GALNT10: variants seen among roughly 807,000 people sequenced by gnomAD.
The protein encoded by GALNT10 is GalNAc transferase 10.
A neutral mutation model predicts 75.0 loss-of-function variants in GALNT10; 41 were observed. The observed-to-expected ratio is 0.55, with a 90% CI of 0.43 to 0.71. The LOEUF (loss-of-function observed/expected upper bound fraction) is 0.71. Among genes scored for constraint, GALNT10 ranks in the 30% least tolerant of loss-of-function variants. The pLI is 0.00. For synonymous variants in GALNT10, 302 were observed against 313.0 expected, an observed-to-expected ratio of 0.96 and a Z score of 0.37; for missense variants, 727 against 818.5, an observed-to-expected ratio of 0.89 and a Z score of 1.36.
At position 154,210,405 on chromosome 5, in the gene GALNT10, CA is replaced by C. The variant is rs1331794600; in HGVS notation, c.159+19381del. ...ATGCATACACACACACACACACACA[CA>C]CACACACAGTTTTGCTTGGCTAATT... On this transcript the variant is annotated intron_variant, in intron 1 of 11. Transcript: ENST00000297107. 2.8e-4 allele frequency among the ~76,000 whole-genome samples: 43 copies of C among 152,268 alleles called. No homozygotes were observed. The East Asian group carries it at 7.7e-3, about 27-fold the overall frequency.
In GALNT10 at chr5:154,257,533, A is replaced by G. The variant is rs529813964; in HGVS notation, c.160-37283A>G. Reference sequence around the variant, plus strand: ...TTTATTGGCTTCTGTAACTGAAAAGATGGCACGTGCCTATAATCCCAGCTA... The same window carrying G: ...TTTATTGGCTTCTGTAACTGAAAAGGTGGCACGTGCCTATAATCCCAGCTA... On this transcript the variant is annotated intron_variant, in intron 1 of 11. Coordinates refer to ENST00000297107, the MANE Select transcript of GALNT10 (RefSeq NM_198321.4). Among the ~76,000 whole-genome samples, 23 of 152,192 alleles carry G rather than the reference A, an allele frequency of 1.5e-4. No individual in the cohort carries two copies. In the South Asian group the frequency reaches 4.6e-3, roughly 30 times the overall value.
chr5:154,279,777 G>A (rs986656158), intron 1 of GALNT10, among the ~76,000 whole-genome samples: 55 of 152,068 alleles, frequency 3.6e-4, no homozygotes, highest in African/African-American at 1.3e-3. Flanking sequence ...TTATAGAGAT[G>A]GGGTCTCACT....
At chr5:154,324,201 G>A (rs1754720171) in intron 3 of GALNT10, among the ~76,000 whole-genome samples, 2 of 152,226 alleles carry the variant, frequency 1.3e-5, no homozygotes, top group Admixed American at 6.5e-5. Context: ...TCAGTGCTGA[G>A]TGATAAGGCA....
Position 154,329,543 on chromosome 5 carries a change from C to G in GALNT10, c.402-29C>G, listed in dbSNP as rs7709843. 22,134 of 1,597,218 alleles carry G rather than the reference C, an allele frequency of 0.014. 1,600 individuals carry two copies. In the African/African-American group the frequency reaches 0.2, roughly 14 times the overall value. On this transcript the variant is annotated intron_variant, in intron 3 of 11. Transcript: ENST00000297107. ...TTGGCAGGAGGAGAGCTGACCCTGT[C>G]CTCTGCCTCCCCTTATGTTTCCCTC...
rs1754812969 is a variant in GALNT10, at chr5:154,329,669, A to C, written c.499A>C (p.Ser167Arg). 1 of 1,613,450 alleles carries C rather than the reference A, an allele frequency of 6.2e-7. No individual in the cohort carries two copies. Among genetic ancestry groups the C allele is most frequent in the Non-Finnish European group, 8.5e-7 (1 of 1,179,432 alleles). ...GWSSLLRTVH[S>R]VLNRSPPELV... ...GTCCTCCCTCCTCCGCACCGTCCACAGTGTGCTCAATCGCTCGCCTCCAGA... is the reference window on the plus strand; with the variant it reads ...GTCCTCCCTCCTCCGCACCGTCCACCGTGTGCTCAATCGCTCGCCTCCAGA... The change falls in exon 4 of 12, where the codon AGT (serine) becomes CGT (arginine). Residue 167 changes from serine (S) to arginine (R), a missense_variant. Transcript: ENST00000297107.
intron 10 of GALNT10, 126 bp downstream of exon 10, chr5:154,413,131 G>C: frequency 1.5e-6 from 1 of 659,842 alleles, no homozygotes; most frequent in Non-Finnish European, 2.7e-6. Flanking sequence ...CAGCCCCGGG[G>C]ATGAGTTTTA....
chr5:154,194,403 G>A (rs1042869307), intron 1 of GALNT10, among the ~76,000 whole-genome samples: 2 of 152,182 alleles, frequency 1.3e-5, no homozygotes, highest in African/African-American at 4.8e-5. Flanking sequence ...TCCACAGAAG[G>A]GCTAGTATCC....
chr5:154,390,869 A>T (rs1254209478), intron 7 of GALNT10, among the ~76,000 whole-genome samples: 1 of 152,250 alleles, frequency 6.6e-6, no homozygotes, highest in Non-Finnish European at 1.5e-5. Context: ...AGTTATTTAC[A>T]ATAGACTTGG....
At chr5:154,354,596 C>T (rs1176029532) in intron 4 of GALNT10, among the ~76,000 whole-genome samples, 1 of 152,190 alleles carries the variant, frequency 6.6e-6, no homozygotes, top group African/African-American at 2.4e-5. Flanking sequence ...CAGAAAGCCC[C>T]ATCCCATGCC....
rs867063693 is a variant in GALNT10 at position 154,420,604 on chromosome 5, T to C, written c.*3632T>C. The C allele has an allele frequency of 9.9e-5, 15 of 152,244 alleles. No homozygotes were observed. Among genetic ancestry groups the C allele is most frequent in the African/African-American group, 3.1e-4 (13 of 41,470 alleles). 9.4% of individuals were successfully genotyped at this position (152,244 alleles called of 1,614,324 possible). A position where few individuals can be genotyped will look rare whatever the true frequency, so the allele number is the denominator to read the frequency against. Reference sequence around the variant, plus strand: ...ATTCCTTATTGCTTTCAACGGACACTCTTTGTGAAAAATCCAAGTAATATT... The same window carrying C: ...ATTCCTTATTGCTTTCAACGGACACCCTTTGTGAAAAATCCAAGTAATATT... On this transcript the variant is annotated 3_prime_UTR_variant, in exon 12 of 12. Transcript: ENST00000297107.
rs111512950 is a variant in GALNT10, at chr5:154,300,867, C to T, written c.401+2788C>T. Among the ~76,000 whole-genome samples, 547 of 152,256 alleles carry T rather than the reference C, an allele frequency of 3.6e-3. 4 individuals are homozygous for T. The highest frequency in any genetic ancestry group is 5.7e-3 in the Non-Finnish European group (389 of 68,010). On this transcript the variant is annotated intron_variant, in intron 3 of 11. Transcript: ENST00000297107. ...CAGTTTAAGAGCTAGGAAGGCCTTCCGGAGGGGTGCTATCTACAGCCTCTG... is the reference window on the plus strand; with the variant it reads ...CAGTTTAAGAGCTAGGAAGGCCTTCTGGAGGGGTGCTATCTACAGCCTCTG...
intron 4 of GALNT10, chr5:154,347,155 T>G (rs1341512450): frequency 1.6e-5 from 8 of 514,246 alleles, no homozygotes; most frequent in Non-Finnish European, 3.2e-5. Flanking sequence ...CCGAGTCCTG[T>G]GAGGTTGGCA....
intron 4 of GALNT10, among the ~76,000 whole-genome samples, chr5:154,332,070 G>T (rs2113120911): frequency 6.6e-6 from 1 of 152,202 alleles, no homozygotes; most frequent in Non-Finnish European, 1.5e-5. Flanking sequence ...CCTCTCTTCT[G>T]CTTTCTGTTT....
intron 1 of GALNT10, among the ~76,000 whole-genome samples, chr5:154,246,595 T>C (rs981130072): frequency 4.2e-4 from 64 of 152,340 alleles, no homozygotes; most frequent in Non-Finnish European, 1.5e-4. Flanking sequence ...CTTTTGGCTG[T>C]ATAAATGTCT....
intron 4 of GALNT10, among the ~76,000 whole-genome samples, chr5:154,355,263 C>G (rs576979224): frequency 2.4e-4 from 37 of 152,362 alleles, no homozygotes; most frequent in Admixed American, 5.2e-4. Context: ...CTCACCCTCT[C>G]TCATCATCAC....
At chr5:154,360,651 C>T (rs762570161) in intron 4 of GALNT10, among the ~76,000 whole-genome samples, 4 of 152,238 alleles carry the variant, frequency 2.6e-5, no homozygotes, top group Non-Finnish European at 5.9e-5. Context: ...GGATATATTC[C>T]GAAGTCCCAA....
chr5:154,201,261 C>A (rs569366712), intron 1 of GALNT10, among the ~76,000 whole-genome samples: 1 of 151,968 alleles, frequency 6.6e-6, no homozygotes. Flanking sequence ...ACCAGTATCA[C>A]GGTGGAGGCA....
At position 154,416,203 on chromosome 5, in the gene GALNT10, G is replaced by C. The variant is rs572732069; in HGVS notation, c.1653+271G>C. 2.5e-3 allele frequency among the ~76,000 whole-genome samples: 383 copies of C among 152,258 alleles called. 2 individuals are homozygous for C. Among genetic ancestry groups the C allele is most frequent in the African/African-American group, 9.0e-3 (374 of 41,528 alleles). On this transcript the variant is annotated intron_variant, in intron 11 of 11. Transcript: ENST00000297107. This position sits in a 1 kb window ranked among gnomAD's most constrained non-coding sequence, Gnocchi z 4.5. ...GCCTGTAATCCCAGCACTTTGGGAG[G>C]CTGAGGTGGGTGGATCACCTGAGGT...
chr5:154,218,616 C>T (rs967509916), intron 1 of GALNT10, among the ~76,000 whole-genome samples: 3 of 152,140 alleles, frequency 2.0e-5, no homozygotes, highest in Non-Finnish European at 4.4e-5. Flanking sequence ...TGGTGTTTCT[C>T]TTCTGAGCCA....
Sources: allele counts gnomAD v4.1 joint callset (sites outside exome capture counted in the v4.1 genomes callset), GRCh38; gene constraint gnomAD v4.1.1; non-coding constraint Gnocchi (gnomAD v3.1); transcripts MANE v1.5; gene names NCBI Gene and HGNC (gene_info 2026-07-23, HGNC 2026-07-21).